EYS: variants seen among roughly 807,000 people sequenced by gnomAD.
EYS encodes EGF-like photoreceptor maintenance factor.
Under a neutral mutation model 282.1 loss-of-function variants are expected in EYS, and 250 were observed. The observed-to-expected ratio is 0.89, with a 90% CI of 0.80 to 0.98. The LOEUF is 0.98. Ranked by LOEUF, EYS falls within the 50% of genes least tolerant of loss-of-function variation. EYS has a pLI of 0.00. For synonymous variants in EYS, 1,355 were observed against 1,282.9 expected, an observed-to-expected ratio of 1.06 and a Z score of -1.20; for missense variants, 4,016 against 3,709.0, an observed-to-expected ratio of 1.08 and a Z score of -2.15.
At chr6:65,217,314 A>C (rs778389510) in intron 12 of EYS, among the ~76,000 whole-genome samples, 2 of 152,068 alleles carry the variant, frequency 1.3e-5, no homozygotes, top group Non-Finnish European at 2.9e-5. Flanking sequence ...TCCAAATCTA[A>C]TGTCTATGGT....
At chr6:65,623,338 C>A (rs1665214814) in intron 2 of EYS, among the ~76,000 whole-genome samples, 1 of 152,084 alleles carries the variant, frequency 6.6e-6, no homozygotes, top group South Asian at 2.1e-4. Context: ...ATTTTAAAAT[C>A]ATTTGCCTTA....
chr6:64,345,760 A>G (rs623211), intron 29 of EYS, among the ~76,000 whole-genome samples: 104,126 of 151,816 alleles, frequency 0.69, 35,735 homozygotes, highest in South Asian at 0.71. Context: ...CAGAGTGAAC[A>G]GGCAACCTAC....
At chr6:63,980,629 G>C (rs1444005412) in intron 35 of EYS, among the ~76,000 whole-genome samples, 1 of 151,862 alleles carries the variant, frequency 6.6e-6, no homozygotes, top group African/African-American at 2.4e-5. Context: ...AATCCAGAAA[G>C]GCTGAATATT....
chr6:64,336,661 C>T (rs528683173), intron 29 of EYS, among the ~76,000 whole-genome samples: 19 of 152,090 alleles, frequency 1.2e-4, no homozygotes, highest in South Asian at 1.0e-3. Context: ...ATTCAACAAG[C>T]GCAGAATACA....
intron 30 of EYS, among the ~76,000 whole-genome samples, chr6:64,279,580 G>A (rs1768233395): frequency 6.6e-6 from 1 of 152,152 alleles, no homozygotes. Flanking sequence ...CGTCTTGGAA[G>A]TATCTGACTT....
At chr6:64,893,800 A>G (rs901624631) in intron 18 of EYS, among the ~76,000 whole-genome samples, 2 of 149,058 alleles carry the variant, frequency 1.3e-5, no homozygotes, top group African/African-American at 4.9e-5. Context: ...TCTGTCATAT[A>G]TATATATGAG....
intron 22 of EYS, among the ~76,000 whole-genome samples, chr6:64,803,659 G>C (rs1764334122): frequency 6.6e-6 from 1 of 152,184 alleles, no homozygotes; most frequent in Non-Finnish European, 1.5e-5. Flanking sequence ...GGTCCATAGG[G>C]AGCTACCCTC....
chr6:63,897,678 T>C (rs1322771497), intron 35 of EYS, among the ~76,000 whole-genome samples: 6 of 152,232 alleles, frequency 3.9e-5, no homozygotes, highest in Non-Finnish European at 8.8e-5. Context: ...AAGTTTGTGG[T>C]AATTTGTTAT....
At chr6:64,050,396 C>T (rs1031650206) in intron 33 of EYS, among the ~76,000 whole-genome samples, 2 of 152,124 alleles carry the variant, frequency 1.3e-5, no homozygotes, top group Non-Finnish European at 2.9e-5. Context: ...TTCATAATGT[C>T]AGAAACACAT....
At chr6:65,382,428 G>A (rs540651456) in intron 8 of EYS, among the ~76,000 whole-genome samples, 44 of 135,362 alleles carry the variant, frequency 3.3e-4, no homozygotes, top group African/African-American at 9.9e-4. Flanking sequence ...AAATTTCCCC[G>A]TGGATCTATC....
chr6:64,912,725 T>C lies in EYS; in HGVS notation c.2400A>G (p.Gly800=). 1 of 1,413,980 alleles carries C rather than the reference T, an allele frequency of 7.1e-7. No individual in the cohort carries two copies. Among genetic ancestry groups the C allele is most frequent in the Non-Finnish European group, 9.3e-7 (1 of 1,075,556 alleles). 87.6% of individuals were successfully genotyped at this position (1,413,980 alleles called of 1,614,324 possible). Residue 800 remains glycine, a synonymous_variant, in exon 16 of 43, where the codon GGA becomes GGG. Coordinates refer to ENST00000503581, the MANE Select transcript of EYS (RefSeq NM_001142800.2). ...YKSYRCECTS[G]WTGQNCSEEI... ...CTTCACTACAGTTCTGTCCAGTCCA[T>C]CCAGATGTACACTCACATCTGAAAT...
At chr6:64,486,715 A>G (rs896197496) in intron 26 of EYS, among the ~76,000 whole-genome samples, 6 of 151,364 alleles carry the variant, frequency 4.0e-5, no homozygotes, top group Non-Finnish European at 5.9e-5. Flanking sequence ...GTAGAATAAT[A>G]TAGAATCATG....
At chr6:65,565,437 G>T (rs1181359616) in intron 2 of EYS, among the ~76,000 whole-genome samples, 1 of 151,998 alleles carries the variant, frequency 6.6e-6, no homozygotes, top group African/African-American at 2.4e-5. Context: ...TCATTAAAAA[G>T]TCAGGAAACA....
chr6:64,451,143 C>G (rs529739467), intron 26 of EYS, among the ~76,000 whole-genome samples: 2 of 152,128 alleles, frequency 1.3e-5, no homozygotes, highest in South Asian at 4.2e-4. Context: ...AGAGAAGAAT[C>G]AAATAGATGC....
rs750339110 is a variant in EYS, at chr6:63,999,596, C to G, written c.6726-413G>C. On this transcript the variant is annotated intron_variant, in intron 33 of 42. Coordinates refer to ENST00000503581, the MANE Select transcript of EYS (RefSeq NM_001142800.2). ...AAACTCCCTAGGTAGAATTTCCCCT[C>G]CCTGGCCTACAGGGAAATTGAAATG... Among the ~76,000 whole-genome samples the G allele has an allele frequency of 7.0e-4, 107 of 152,190 alleles. 1 individual carries two copies. Among genetic ancestry groups the G allele is most frequent in the Non-Finnish European group, 1.2e-3 (81 of 68,036 alleles).
chr6:64,792,282 G>A (rs552853186), intron 22 of EYS, among the ~76,000 whole-genome samples: 14 of 152,078 alleles, frequency 9.2e-5, no homozygotes, highest in African/African-American at 3.1e-4. Context: ...TAAGAAGAAT[G>A]TGTCTGTAAC....
intron 24 of EYS, among the ~76,000 whole-genome samples, chr6:64,606,636 T>C (rs1766946442): frequency 6.6e-6 from 1 of 152,058 alleles, no homozygotes; most frequent in Non-Finnish European, 1.5e-5. Context: ...CTGAACACTT[T>C]CAAGCCTCTC....
Position 64,064,650 on chromosome 6 carries a change from CT to C in EYS, c.6725+1687del, listed in dbSNP as rs1300447284. Among the ~76,000 whole-genome samples, 3 of 152,212 alleles carry C rather than the reference CT, an allele frequency of 2.0e-5. No individual in the cohort carries two copies. In the East Asian group the frequency reaches 5.8e-4, roughly 29 times the overall value. On this transcript the variant is annotated intron_variant, in intron 33 of 42. Coordinates refer to ENST00000503581, the MANE Select transcript of EYS (RefSeq NM_001142800.2). ...TTTACAGGTTGTTTTTTTCCTGAGG[CT>C]ATCTCAGAATCTGAATGGTTTGAGG... is the stretch of plus-strand genomic sequence containing the variant.
chr6:64,504,534 C>G (rs1306869789), intron 26 of EYS, among the ~76,000 whole-genome samples: 1 of 152,134 alleles, frequency 6.6e-6, no homozygotes, highest in East Asian at 1.9e-4. Context: ...GCTGGACATT[C>G]ACTACTGCTG....
Sources: gnomAD v4.1 joint callset for allele counts (sites outside exome capture counted in the v4.1 genomes callset) on GRCh38, gnomAD v4.1.1 for gene constraint, MANE v1.5 for transcripts, NCBI Gene and HGNC (gene_info 2026-07-23, HGNC 2026-07-21) for gene names.